The following SUCLG2 variants were observed in gnomAD, a reference collection of about 807,000 sequenced individuals.
The protein encoded by SUCLG2 is succinate-CoA ligase GDP-forming subunit beta.
SUCLG2 carries 42 observed loss-of-function variants against 47.9 expected under a neutral mutation model. The ratio of observed to expected loss-of-function variants is 0.88; its 90% CI spans 0.69 to 1.14. The LOEUF is 1.14. SUCLG2 is among the 50% of genes most tolerant of loss of function. The probability of loss-of-function intolerance (pLI) is 0.00; values close to 1 mark genes in which losing one functional copy is unlikely to be tolerated. For synonymous variants in SUCLG2, 195 were observed against 197.3 expected (o/e 0.99, Z 0.10); for missense variants, 571 against 525.9 (o/e 1.09, Z -0.84).
chr3:67,522,027 C>T (rs904708812), intron 4 of SUCLG2, among the ~76,000 whole-genome samples: 1 of 150,964 alleles, frequency 6.6e-6, no homozygotes, highest in African/African-American at 2.4e-5. Context: ...CATGTTCCTG[C>T]ATTTATTTAT....
At chr3:67,417,757 G>A (rs942043974) in intron 9 of SUCLG2, among the ~76,000 whole-genome samples, 1 of 152,126 alleles carries the variant, frequency 6.6e-6, no homozygotes, top group African/African-American at 2.4e-5. Flanking sequence ...TGGGCATGCC[G>A]GGGAGATGAA....
chr3:67,489,296 C>T (rs1017613796), intron 9 of SUCLG2, among the ~76,000 whole-genome samples: 1 of 152,134 alleles, frequency 6.6e-6, no homozygotes, highest in African/African-American at 2.4e-5. Context: ...GAATTCCTCA[C>T]ACTGGGAAAA....
intron 10 of SUCLG2, among the ~76,000 whole-genome samples, chr3:67,385,232 A>G (rs1702236151): frequency 6.6e-6 from 1 of 152,176 alleles, no homozygotes; most frequent in Admixed American, 6.5e-5. Context: ...GCCCAGTTTT[A>G]AAACCTCTCC....
intron 4 of SUCLG2, among the ~76,000 whole-genome samples, chr3:67,526,370 G>T (rs913755191): frequency 6.6e-6 from 1 of 152,204 alleles, no homozygotes; most frequent in Non-Finnish European, 1.5e-5. Flanking sequence ...GCCATCCTGG[G>T]ATGCCTGTGG....
At chr3:67,531,006 A>C (rs937129671) in intron 2 of SUCLG2, among the ~76,000 whole-genome samples, 9 of 152,370 alleles carry the variant, frequency 5.9e-5, no homozygotes, top group African/African-American at 2.2e-4. Flanking sequence ...TTTGTAGAGA[A>C]GAAACAACTG....
At chr3:67,605,048 T>C (rs1342752037) in intron 2 of SUCLG2, among the ~76,000 whole-genome samples, 1 of 152,192 alleles carries the variant, frequency 6.6e-6, no homozygotes, top group Non-Finnish European at 1.5e-5. Context: ...TGGAATTTGC[T>C]GCCACTGACA....
chr3:67,519,966 T>C (rs1331584383), intron 5 of SUCLG2, among the ~76,000 whole-genome samples: 1 of 152,132 alleles, frequency 6.6e-6, no homozygotes, highest in Non-Finnish European at 1.5e-5. Flanking sequence ...TTAATATCAA[T>C]AAATGAGTCA....
In SUCLG2 at chr3:67,565,963, C is replaced by A. The variant is rs996723900; in HGVS notation, c.227-36777G>T. Among the ~76,000 whole-genome samples, 3 of 152,198 alleles carry A rather than the reference C, an allele frequency of 2.0e-5. No homozygotes were observed. The East Asian group carries it at 5.8e-4, about 29-fold the overall frequency. On this transcript the variant is annotated intron_variant, in intron 2 of 10. Transcript: ENST00000307227. ...CTGTCTATCCTATCTGAAAATCATTCCTTCCTTTTGTTATATTTGATTTAC... is the reference window on the plus strand; with the variant it reads ...CTGTCTATCCTATCTGAAAATCATTACTTCCTTTTGTTATATTTGATTTAC...
chr3:67,596,315 T>C (rs60697032), intron 2 of SUCLG2, among the ~76,000 whole-genome samples: 3,733 of 152,294 alleles, frequency 0.025, 132 homozygotes, highest in African/African-American at 0.079. Flanking sequence ...TGTTTAAAGC[T>C]AGAATTGCCA....
chr3:67,455,475 T>A (rs1704160684), intron 9 of SUCLG2, among the ~76,000 whole-genome samples: 1 of 152,156 alleles, frequency 6.6e-6, no homozygotes, highest in Non-Finnish European at 1.5e-5. Flanking sequence ...AGAATCAGAC[T>A]GGAGGAAAAG....
intron 1 of SUCLG2, among the ~76,000 whole-genome samples, chr3:67,640,974 T>C (rs1367300805): frequency 6.6e-6 from 1 of 152,158 alleles, no homozygotes; most frequent in Non-Finnish European, 1.5e-5. Context: ...GCTGTCTGGA[T>C]AAAGAGAATG....
intron 2 of SUCLG2, among the ~76,000 whole-genome samples, chr3:67,607,990 G>A (rs1178936796): frequency 6.6e-6 from 1 of 152,150 alleles, no homozygotes; most frequent in Non-Finnish European, 1.5e-5. Flanking sequence ...AGTAGCATGA[G>A]AATAGACTAA....
intron 2 of SUCLG2, among the ~76,000 whole-genome samples, chr3:67,557,614 C>T (rs1707196238): frequency 6.6e-6 from 1 of 152,174 alleles, no homozygotes; most frequent in Non-Finnish European, 1.5e-5. Flanking sequence ...GGAAACTGAA[C>T]ACAAACTAGC....
intron 9 of SUCLG2, among the ~76,000 whole-genome samples, chr3:67,465,955 C>A (rs1010194075): frequency 2.6e-5 from 4 of 152,072 alleles, no homozygotes; most frequent in African/African-American, 9.7e-5. Context: ...ATAGTCAGAG[C>A]AAGAATCAGG....
At chr3:67,383,335 G>A (rs528291543) in intron 10 of SUCLG2, among the ~76,000 whole-genome samples, 2 of 152,250 alleles carry the variant, frequency 1.3e-5, no homozygotes, top group Admixed American at 6.5e-5. Flanking sequence ...TTTTAAACCC[G>A]GTTCTGTTCC....
chr3:67,536,531 C>T (rs1463367680), intron 2 of SUCLG2, among the ~76,000 whole-genome samples: 2 of 152,200 alleles, frequency 1.3e-5, no homozygotes. Flanking sequence ...AGTTTTCACA[C>T]TAAACCTGAG....
Position 67,636,711 on chromosome 3 carries a change from T to C in SUCLG2, c.84+17792A>G, listed in dbSNP as rs552397034. On this transcript the variant is annotated intron_variant, in intron 1 of 10. Coordinates refer to ENST00000307227, the MANE Select transcript of SUCLG2 (RefSeq NM_003848.4). Reference sequence around the variant, plus strand: ...CGGGGTTTCACCGTGTTAGCCAAGATGGTCTTAATCTCCTGACCTCGTGAT... The same window carrying C: ...CGGGGTTTCACCGTGTTAGCCAAGACGGTCTTAATCTCCTGACCTCGTGAT... Among the ~76,000 whole-genome samples, 409 of 152,276 alleles carry C rather than the reference T, an allele frequency of 2.7e-3. 4 individuals are homozygous for C. The highest frequency in any genetic ancestry group is 9.5e-3 in the African/African-American group (394 of 41,544).
At chr3:67,578,961 A>G (rs1377797474) in intron 2 of SUCLG2, among the ~76,000 whole-genome samples, 8 of 152,244 alleles carry the variant, frequency 5.3e-5, no homozygotes, top group African/African-American at 1.9e-4. Flanking sequence ...AAGAAGATCC[A>G]GGAACACCTG....
intron 10 of SUCLG2, among the ~76,000 whole-genome samples, chr3:67,392,913 C>T (rs1421809523): frequency 6.6e-6 from 1 of 151,924 alleles, no homozygotes; most frequent in Non-Finnish European, 1.5e-5. Context: ...CTCCTGGGCT[C>T]AAACAATCCT....
Sources: gnomAD v4.1 joint callset for allele counts (sites outside exome capture counted in the v4.1 genomes callset) on GRCh38, gnomAD v4.1.1 for gene constraint, MANE v1.5 for transcripts, NCBI Gene and HGNC (gene_info 2026-07-23, HGNC 2026-07-21) for gene names.